Variants in ADGRE3 observed in about 807,000 individuals in gnomAD.
ADGRE3 encodes the protein adhesion G protein-coupled receptor E3.
ADGRE3 carries 88 observed loss-of-function variants against 80.1 expected under a neutral mutation model. The ratio of observed to expected loss-of-function variants is 1.10; its 90% CI spans 0.93 to 1.31. ADGRE3 has a LOEUF of 1.31. Among genes scored for constraint, ADGRE3 ranks in the 40% most tolerant of loss-of-function variants. ADGRE3 has a pLI of 0.00. For missense variants in ADGRE3, 715 were observed against 776.5 expected (o/e 0.92, Z 0.94); for synonymous variants, 281 against 294.8 (o/e 0.95, Z 0.48).
chr19:14,663,437 G>A lies in ADGRE3; in HGVS notation c.180C>T (p.Phe60=). The A allele has an allele frequency of 6.2e-7, 1 of 1,607,814 alleles. No homozygotes were observed. The stretch of plus-strand genomic sequence containing the variant: ...CTTTACCGTTACATGTCTCCAAGGG[G>A]AATGTGAATAGTTTCTGCCCAGATC... ...TSGSGQKLFT[F]PLETCNDINE... The change falls in exon 3 of 16, where the codon TTC becomes TTT. Residue 60 remains phenylalanine (F), a synonymous_variant. Coordinates refer to ENST00000253673, the MANE Select transcript of ADGRE3 (RefSeq NM_032571.5).
intron 2 of ADGRE3, among the ~76,000 whole-genome samples, chr19:14,668,025 G>C (rs1008936674): frequency 2.6e-5 from 4 of 152,110 alleles, no homozygotes; most frequent in Admixed American, 6.6e-5. Context: ...AGGTTGAGGT[G>C]GGCAGACTGT....
chr19:14,633,105 A>G, intron 12 of ADGRE3, 93 bp from the exon 13 acceptor site: 3 of 1,244,534 alleles, frequency 2.4e-6, no homozygotes, highest in Non-Finnish European at 3.5e-6. Context: ...CCTCTTGTAC[A>G]TGGGACTGAA....
At chr19:14,659,465 T>C (rs973940789) in intron 4 of ADGRE3, among the ~76,000 whole-genome samples, 14 of 152,146 alleles carry the variant, frequency 9.2e-5, no homozygotes, top group African/African-American at 3.1e-4. Flanking sequence ...AACAGAAGCA[T>C]CAGTGTCTGG....
At chr19:14,609,215 G>A in the ADGRE3 span, among the ~76,000 whole-genome samples, 1 of 152,130 alleles carries the variant, frequency 6.6e-6, no homozygotes, top group African/African-American at 2.4e-5. Context: ...GCTCACAACC[G>A]GTGACAGCCT....
downstream of ADGRE3, among the ~76,000 whole-genome samples, chr19:14,616,769 G>C (rs1167157571): frequency 6.7e-6 from 1 of 148,300 alleles, no homozygotes; most frequent in Non-Finnish European, 1.5e-5. Context: ...AGACAACACA[G>C]TGGAAACAAG....
chr19:14,612,694 A>T, the ADGRE3 span, among the ~76,000 whole-genome samples: 2 of 152,052 alleles, frequency 1.3e-5, no homozygotes, highest in Non-Finnish European at 2.9e-5. Context: ...GGTCCTGGGA[A>T]TTAGAATTTA....
chr19:14,639,539 G>A (rs1971189479), intron 10 of ADGRE3, among the ~76,000 whole-genome samples: 1 of 151,988 alleles, frequency 6.6e-6, no homozygotes, highest in Non-Finnish European at 1.5e-5. Flanking sequence ...CAAGCAGCTG[G>A]GACTACAGAC....
intron 10 of ADGRE3, among the ~76,000 whole-genome samples, chr19:14,638,932 C>T (rs1447139447): frequency 6.6e-6 from 1 of 152,256 alleles, no homozygotes; most frequent in Non-Finnish European, 1.5e-5. Context: ...GACAGGATCT[C>T]ACTCTGTCAC....
chr19:14,653,560 A>G (rs1453556328), intron 6 of ADGRE3, among the ~76,000 whole-genome samples: 1 of 151,906 alleles, frequency 6.6e-6, no homozygotes, highest in African/African-American at 2.4e-5. Context: ...CATTACATGC[A>G]CTTTCATTAT....
At chr19:14,620,487 AT>A (rs1342633191) in intron 15 of ADGRE3, among the ~76,000 whole-genome samples, 1 of 29,116 alleles carries the variant, frequency 3.4e-5, no homozygotes, top group African/African-American at 1.3e-4. Context: ...GTACATATGA[AT>A]ATATATGAAT....
chr19:14,669,071 A>G (rs1392645281), intron 1 of ADGRE3, among the ~76,000 whole-genome samples: 1 of 152,180 alleles, frequency 6.6e-6, no homozygotes, highest in Non-Finnish European at 1.5e-5. Flanking sequence ...ATATCTACCC[A>G]AAGGAAAAGA....
chr19:14,612,932 T>TA, the ADGRE3 span, among the ~76,000 whole-genome samples: 56,094 of 150,626 alleles, frequency 0.37, 10,876 homozygotes, highest in East Asian at 0.62. Flanking sequence ...TCAATTTATT[T>TA]TTTTTTTTTT....
At chr19:14,641,093 A>T (rs1040994265) in intron 10 of ADGRE3, among the ~76,000 whole-genome samples, 6 of 152,182 alleles carry the variant, frequency 3.9e-5, no homozygotes, top group African/African-American at 4.8e-5. Flanking sequence ...GAGAGCCAAG[A>T]TCTTTTTCCC....
At chr19:14,613,506 C>T in the ADGRE3 span, among the ~76,000 whole-genome samples, 4 of 151,652 alleles carry the variant, frequency 2.6e-5, no homozygotes, top group African/African-American at 7.3e-5. Context: ...ACAAGGATTG[C>T]GATCAATTTA....
At chr19:14,642,911 G>A (rs1030902349) in intron 9 of ADGRE3, among the ~76,000 whole-genome samples, 3 of 152,126 alleles carry the variant, frequency 2.0e-5, no homozygotes, top group Admixed American at 2.0e-4. Flanking sequence ...GTGTCTTTAT[G>A]ATAGAATGAT....
the ADGRE3 span, among the ~76,000 whole-genome samples, chr19:14,606,362 G>A: frequency 4.2e-5 from 6 of 144,486 alleles, no homozygotes; most frequent in South Asian, 1.1e-3. Flanking sequence ...TTGACAGAGT[G>A]AGACCCTGTC....
chr19:14,610,319 G>T, the ADGRE3 span: 1 of 1,382,184 alleles, frequency 7.2e-7, no homozygotes, highest in South Asian at 1.4e-5. Context: ...AAACAGGATT[G>T]GCACCCTGGA....
At chr19:14,627,703 C>A (rs1970772736) in intron 14 of ADGRE3, among the ~76,000 whole-genome samples, 1 of 152,092 alleles carries the variant, frequency 6.6e-6, no homozygotes, top group South Asian at 2.1e-4. Context: ...AGACAGCGTG[C>A]AGTCCAGATT....
At chr19:14,620,789 G>A (rs1276814540) in intron 15 of ADGRE3, among the ~76,000 whole-genome samples, 2 of 149,846 alleles carry the variant, frequency 1.3e-5, no homozygotes, top group Non-Finnish European at 3.0e-5. Context: ...TGCAGAGACA[G>A]GGTCTCACTA....
Sources: allele counts gnomAD v4.1 joint callset (sites outside exome capture counted in the v4.1 genomes callset), GRCh38; gene constraint gnomAD v4.1.1; transcripts MANE v1.5; gene names NCBI Gene and HGNC (gene_info 2026-07-23, HGNC 2026-07-21).